The following SLC9A4 variants were observed in gnomAD, a reference collection of about 807,000 sequenced individuals.
SLC9A4 encodes solute carrier family 9 member A4, also known as sodium/hydrogen exchanger 4.
A neutral mutation model predicts 67.4 loss-of-function variants in SLC9A4; 63 were observed. That is an observed-to-expected ratio of 0.93 (90% CI 0.76 to 1.15). The LOEUF (loss-of-function observed/expected upper bound fraction) is 1.15, where lower values mean the gene tolerates loss of function less well. Ranked by LOEUF, SLC9A4 falls within the 50% of genes most tolerant of loss-of-function variation. The pLI, the probability that SLC9A4 is intolerant of heterozygous loss-of-function variation, is 0.00. For synonymous variants in SLC9A4, 393 were observed against 367.2 expected (o/e 1.07, Z -0.80); for missense variants, 1,089 against 987.7 (o/e 1.10, Z -1.38).
At chr2:102,523,305 T>C (rs1674585420) in intron 9 of SLC9A4, among the ~76,000 whole-genome samples, 1 of 152,162 alleles carries the variant, frequency 6.6e-6, no homozygotes, top group African/African-American at 2.4e-5. Flanking sequence ...ACTATTTTTA[T>C]ACAATTATCT....
chr2:102,503,370 C>T (rs749280494), intron 2 of SLC9A4, 78 bp from the exon 3 acceptor site: 7 of 1,332,860 alleles, frequency 5.3e-6, no homozygotes, highest in Non-Finnish European at 7.1e-6. Flanking sequence ...TAACTAGACA[C>T]AAAGCTGAGA....
intron 2 of SLC9A4, among the ~76,000 whole-genome samples, chr2:102,491,890 G>A (rs542055839): frequency 7.0e-4 from 106 of 152,298 alleles, no homozygotes; most frequent in African/African-American, 2.4e-3. Context: ...TTCCTTCCTA[G>A]ATACAGTGGG....
At chr2:102,509,039 T>TTG in intron 6 of SLC9A4, 106 bp downstream of exon 6, 3 of 959,020 alleles carry the variant, frequency 3.1e-6, no homozygotes, top group Non-Finnish European at 4.8e-6. Context: ...TTCCCCACTC[T>TTG]GCCAAGAGTG....
chr2:102,482,729 C>G (rs983699453), intron 2 of SLC9A4, among the ~76,000 whole-genome samples: 3 of 152,168 alleles, frequency 2.0e-5, no homozygotes, highest in Non-Finnish European at 4.4e-5. Context: ...ACCAGGGACA[C>G]CCCTTGGAAA....
intron 2 of SLC9A4, among the ~76,000 whole-genome samples, chr2:102,501,954 G>A (rs1684950027): frequency 6.6e-6 from 1 of 151,976 alleles, no homozygotes; most frequent in Non-Finnish European, 1.5e-5. Flanking sequence ...AAGGTGAGGG[G>A]GCATCATCAG....
intron 2 of SLC9A4, among the ~76,000 whole-genome samples, chr2:102,503,071 G>A (rs544361683): frequency 5.1e-4 from 78 of 152,152 alleles, no homozygotes; most frequent in Non-Finnish European, 1.0e-3. Context: ...GGCCCTCTAC[G>A]GACAGAGCTT....
chr2:102,503,590 C>A lies in SLC9A4; in HGVS notation c.863C>A (p.Ser288Tyr), dbSNP rs201326365. Reference sequence around the variant, plus strand: ...TTTGGCATCGTTTTTGGATTTATTTCTGCATTTATCACACGTTTCACTCAG... The same window carrying A: ...TTTGGCATCGTTTTTGGATTTATTTATGCATTTATCACACGTTTCACTCAG... ...VLFGIVFGFI[S>Y]AFITRFTQNI... The change falls in exon 3 of 12, where the codon TCT (serine) becomes TAT (tyrosine). Residue 288 changes from serine to tyrosine, a missense_variant. By Grantham distance (144) the Ser-to-Tyr change is moderately radical (BLOSUM62 -2). Transcript: ENST00000295269. 8.1e-6 allele frequency: 13 copies of A among 1,614,052 alleles called. No homozygotes were observed. The highest frequency in any genetic ancestry group is 1.0e-5 in the Non-Finnish European group (12 of 1,180,050).
rs139098195 is a variant in SLC9A4 at position 102,475,576 on chromosome 2, C to T, written c.256+1561C>T. ...AGGAGCGAAGAACACTGTGAAAATA[C>T]GATTATTCATAGAACTGTTGGTTTA... On this transcript the variant is annotated intron_variant, in intron 1 of 11. Transcript: ENST00000295269. Among the ~76,000 whole-genome samples, 544 of 152,228 alleles carry T rather than the reference C, an allele frequency of 3.6e-3. 11 individuals are homozygous for T. Among genetic ancestry groups the T allele is most frequent in the Non-Finnish European group, 9.0e-4 (61 of 68,012 alleles).
chr2:102,515,771 G>C (rs181334048), intron 8 of SLC9A4, among the ~76,000 whole-genome samples: 1 of 152,018 alleles, frequency 6.6e-6, no homozygotes, highest in Non-Finnish European at 1.5e-5. Flanking sequence ...TGACACCTTT[G>C]ATCCAATCCT....
chr2:102,499,506 T>C (rs1684878486), intron 2 of SLC9A4, among the ~76,000 whole-genome samples: 1 of 152,158 alleles, frequency 6.6e-6, no homozygotes, highest in Non-Finnish European at 1.5e-5. Flanking sequence ...TACGAGAAAT[T>C]CACAATGTTC....
rs572449138 is a variant in SLC9A4, at chr2:102,526,406, G to A, written c.2038+60G>A. ...TGTAGAGTCAGGTGGTAAATATCTG[G>A]GGGTGTGGGCCAAGAGGCAACATTA... is the stretch of plus-strand genomic sequence containing the variant. On this transcript the variant is annotated intron_variant, in intron 11 of 11. Coordinates refer to ENST00000295269, the MANE Select transcript of SLC9A4 (RefSeq NM_001011552.4). The A allele has an allele frequency of 2.6e-6, 4 of 1,529,368 alleles. No homozygotes were observed. In the African/African-American group the frequency reaches 5.5e-5, roughly 21 times the overall value. 94.7% of individuals were successfully genotyped at this position (1,529,368 alleles called of 1,614,324 possible).
chr2:102,521,462 A>G (rs754750993), intron 9 of SLC9A4, among the ~76,000 whole-genome samples: 10 of 152,186 alleles, frequency 6.6e-5, no homozygotes, highest in Non-Finnish European at 1.0e-4. Flanking sequence ...CTTGGGAGCC[A>G]AATGGGGAGA....
At position 102,497,423 on chromosome 2, in the gene SLC9A4, A is replaced by T. The variant is rs114482370; in HGVS notation, c.721-6025A>T. On this transcript the variant is annotated intron_variant, in intron 2 of 11. Transcript: ENST00000295269. ...CCAAAAACTGGGGAGTTGGGAGTGG[A>T]CAAATATTCATTAACAGGTAAACAG... Among the ~76,000 whole-genome samples the T allele has an allele frequency of 1.4e-3, 210 of 152,306 alleles. 1 individual carries two copies. Among genetic ancestry groups the T allele is most frequent in the African/African-American group, 4.9e-3 (203 of 41,562 alleles).
chr2:102,495,468 T>A (rs1225333286), intron 2 of SLC9A4, among the ~76,000 whole-genome samples: 5 of 152,008 alleles, frequency 3.3e-5, no homozygotes, highest in Non-Finnish European at 1.5e-5. Flanking sequence ...TAAGAGCCCA[T>A]CAAAATCCCA....
Position 102,505,695 on chromosome 2 carries a change from G to A in SLC9A4, c.1198+224G>A, listed in dbSNP as rs1486896060. 5 of 457,344 alleles carry A rather than the reference G, an allele frequency of 1.1e-5. No individual in the cohort carries two copies. In the Admixed American group the frequency reaches 1.5e-4, roughly 14 times the overall value. The allele number at this position is 457,344 out of a possible 1,614,324, so 28.3% of individuals were successfully genotyped here. ...GGTTCTGCATTGAAGCAAGGCTGGG[G>A]CAAGGAGTACTTTTTTTTAATTGAA... is the stretch of plus-strand genomic sequence containing the variant. On this transcript the variant is annotated intron_variant, in intron 4 of 11. Transcript: ENST00000295269.
rs879423774 is a variant in SLC9A4 at position 102,490,096 on chromosome 2, G to GT, written c.720+10806dup. Among the ~76,000 whole-genome samples the GT allele has an allele frequency of 6.0e-3, 867 of 144,734 alleles. 5 individuals carry two copies. Among genetic ancestry groups the GT allele is most frequent in the African/African-American group, 0.015 (613 of 39,672 alleles). The allele number at this position is 144,734 out of a possible 152,430, so 95.0% of individuals were successfully genotyped here. On this transcript the variant is annotated intron_variant, in intron 2 of 11. Coordinates refer to ENST00000295269, the MANE Select transcript of SLC9A4 (RefSeq NM_001011552.4). Reference sequence around the variant, plus strand: ...TATGTTGTGACTCTTAACTTCCAACGTTTTTTTTTTTTAACTTGACAGTAA... The same window carrying GT: ...TATGTTGTGACTCTTAACTTCCAACGTTTTTTTTTTTTTAACTTGACAGTAA...
intron 2 of SLC9A4, among the ~76,000 whole-genome samples, chr2:102,488,673 C>T (rs895200496): frequency 5.3e-5 from 8 of 151,952 alleles, no homozygotes; most frequent in East Asian, 3.9e-4. Flanking sequence ...CTCAGCCTCC[C>T]GAGTAGCTGG....
chr2:102,524,193 G>A (rs1203216665), intron 9 of SLC9A4, among the ~76,000 whole-genome samples: 5 of 152,202 alleles, frequency 3.3e-5, no homozygotes, highest in African/African-American at 9.6e-5. Context: ...CACTTGGGAG[G>A]GAGAGCCCCT....
chr2:102,528,662 A>G (rs1009044596), intron 11 of SLC9A4, among the ~76,000 whole-genome samples: 3 of 152,230 alleles, frequency 2.0e-5, no homozygotes, highest in Non-Finnish European at 2.9e-5. Flanking sequence ...TTAAATAAGC[A>G]TTATAAACAA....
Sources: gnomAD v4.1 joint callset for allele counts (sites outside exome capture counted in the v4.1 genomes callset) on GRCh38, gnomAD v4.1.1 for gene constraint, MANE v1.5 for transcripts, NCBI Gene and HGNC (gene_info 2026-07-23, HGNC 2026-07-21) for gene names.